Variants in FBXW5 observed in about 807,000 individuals in gnomAD.
FBXW5 encodes the protein F-box/WD repeat-containing protein 5.
A neutral mutation model predicts 50.9 loss-of-function variants in FBXW5; 74 were observed. The observed-to-expected ratio is 1.45, with a 90% CI of 1.20 to 1.76. The LOEUF (loss-of-function observed/expected upper bound fraction) is 1.76, where lower values mean the gene tolerates loss of function less well. FBXW5 is among the 40% of genes most tolerant of loss of function. The pLI, the probability that FBXW5 is intolerant of heterozygous loss-of-function variation, is 0.00. For missense variants in FBXW5, 1,073 were observed against 818.8 expected (o/e 1.31, Z -3.79); for synonymous variants, 523 against 362.2 (o/e 1.44, Z -5.04).
chr9:136,944,018 G>C lies in FBXW5; in HGVS notation c.66C>G (p.Gly22=), dbSNP rs1162225364. The part of the protein sequence containing the change: ...SLVYQIFLSL[G]PADVLAAGLV... Reference sequence around the variant, plus strand: ...GCCCGGCGGCCAGCACGTCGGCCGGGCCCAGGCTCAGGAAGATCTGGTAGA... The same window carrying C: ...GCCCGGCGGCCAGCACGTCGGCCGGCCCCAGGCTCAGGAAGATCTGGTAGA... The change falls in exon 2 of 9, where the codon GGC becomes GGG. Residue 22 remains glycine, a synonymous_variant. Coordinates refer to ENST00000325285, the MANE Select transcript of FBXW5 (RefSeq NM_018998.4). The C allele has an allele frequency of 6.2e-7, 1 of 1,601,420 alleles. No individual in the cohort carries two copies.
rs563358740 is a variant in FBXW5, at chr9:136,944,065, G to C, written c.19C>G (p.Pro7Ala). ...TAGACCAGGCTGTCGGGGAGCAGGG[G>C]CGTGCCGCCCTCGTCCATCGTGACA... MDEGGT[P>A]LLPDSLVYQI... Residue 7 changes from proline to alanine, a missense_variant, in exon 2 of 9, where the codon CCC becomes GCC. Coordinates refer to ENST00000325285, the MANE Select transcript of FBXW5 (RefSeq NM_018998.4). The C allele has an allele frequency of 6.3e-7, 1 of 1,599,974 alleles. No individual in the cohort carries two copies. Among genetic ancestry groups the C allele is most frequent in the Non-Finnish European group, 8.5e-7 (1 of 1,174,044 alleles).
In FBXW5 at chr9:136,943,649, T is replaced by G. The variant is rs1050934216; in HGVS notation, c.194-143A>C. The G allele has an allele frequency of 2.0e-5, 24 of 1,230,232 alleles. No individual in the cohort carries two copies. In the African/African-American group the frequency reaches 3.0e-4, roughly 16 times the overall value. 76.2% of individuals were successfully genotyped at this position (1,230,232 alleles called of 1,614,324 possible). On this transcript the variant is annotated intron_variant, in intron 2 of 8. Coordinates refer to ENST00000325285, the MANE Select transcript of FBXW5 (RefSeq NM_018998.4). The stretch of plus-strand genomic sequence containing the variant: ...ATGGCATAGGCCTCGGCTGGGGGAT[T>G]CAACCCTGTAGCTCACAGAGACCCC...
chr9:136,944,226 G>C (rs1850941529), intron 1 of FBXW5, 120 bp from the exon 2 acceptor site: 1 of 1,150,592 alleles, frequency 8.7e-7, no homozygotes, highest in Non-Finnish European at 1.2e-6. Context: ...GTGTCTGCAG[G>C]GGACGCCCGG....
chr9:136,942,482 C>CGTGCCAGGTGGGCGCCGG lies in FBXW5; in HGVS notation c.676-34_676-17dup. 6 of 1,596,182 alleles carry CGTGCCAGGTGGGCGCCGG rather than the reference C, an allele frequency of 3.8e-6. No individual in the cohort carries two copies. In the South Asian group the frequency reaches 4.4e-5, roughly 12 times the overall value. On this transcript the variant is annotated splice_polypyrimidine_tract_variant and intron_variant, in intron 5 of 8. Transcript: ENST00000325285. ...ACTCCACATCCTGGGGGCGGGGGCA[C>CGTGCCAGGTGGGCGCCGG]GTGCCAGGTGGGCGCCGGGCGCCAG...
rs1263368179 is a variant in FBXW5 at position 136,940,868 on chromosome 9, G to C, written c.*60C>G. The C allele has an allele frequency of 1.3e-6, 2 of 1,532,368 alleles. No individual in the cohort carries two copies. Among genetic ancestry groups the C allele is most frequent in the Non-Finnish European group, 1.8e-6 (2 of 1,140,814 alleles). 94.9% of individuals were successfully genotyped at this position (1,532,368 alleles called of 1,614,324 possible). A position where few individuals can be genotyped will look rare whatever the true frequency, so the allele number is the denominator to read the frequency against. On this transcript the variant is annotated 3_prime_UTR_variant, in exon 9 of 9. Transcript: ENST00000325285. ...CTCCACCTCTCCCGCTCGGGAAAAA[G>C]CCACAGAGCCTGGCGATGTCCTCAA...
Position 136,941,050 on chromosome 9 carries a change from G to A in FBXW5, c.1579C>T (p.Leu527Phe). Residue 527 changes from leucine to phenylalanine, a missense_variant, in exon 9 of 9, where the codon CTC (leucine) becomes TTC (phenylalanine). Transcript: ENST00000325285. ...VFSPQEQELL[L>F]TASDDATIKA... is the part of the protein sequence containing the mutation. ...ATGGTGGCGTCGTCGCTGGCCGTGA[G>A]CAGCAGCTCCTGCTCCTGGGGACTG... 6.4e-7 allele frequency: 1 copy of A among 1,556,172 alleles called. No homozygotes were observed.
At position 136,941,478 on chromosome 9, in the gene FBXW5, CTG is replaced by C. The variant is rs775730930; in HGVS notation, c.1245-17_1245-16del. 58 of 1,606,328 alleles carry C rather than the reference CTG, an allele frequency of 3.6e-5. No individual in the cohort carries two copies. Among genetic ancestry groups the C allele is most frequent in the Non-Finnish European group, 4.9e-5 (58 of 1,179,652 alleles). On this transcript the variant is annotated splice_polypyrimidine_tract_variant and intron_variant, in intron 7 of 8. Coordinates refer to ENST00000325285, the MANE Select transcript of FBXW5 (RefSeq NM_018998.4). ...CGTACAGGTACCTGGGCGAGGGGCA[CTG>C]TGCTAGGTGTGGGCCGCCTGCGGGC...
At chr9:136,942,742 C>A in intron 4 of FBXW5, 27 bp downstream of exon 4, 1 of 1,611,832 alleles carries the variant, frequency 6.2e-7, no homozygotes, top group Non-Finnish European at 8.5e-7. Context: ...GGGGCGGGGG[C>A]AGGGTCAACC....
At chr9:136,943,065 C>A in intron 3 of FBXW5, 122 bp from the exon 4 acceptor site, 2 of 1,452,940 alleles carry the variant, frequency 1.4e-6, no homozygotes, top group Non-Finnish European at 1.9e-6. Context: ...GGAGCAGGGA[C>A]CCCTTCCAGC....
chr9:136,944,492 GAC>G, intron 1 of FBXW5, 100 bp downstream of exon 1: 1 of 984,388 alleles, frequency 1.0e-6, no homozygotes, highest in Non-Finnish European at 1.2e-6. Flanking sequence ...GCTCGGGGCG[GAC>G]GGCGGGGACG....
rs1300446808 is a variant in FBXW5, at chr9:136,941,134, G to C, written c.1495C>G (p.His499Asp). 1.9e-6 allele frequency: 3 copies of C among 1,596,900 alleles called. No homozygotes were observed. The highest frequency in any genetic ancestry group is 1.3e-5 in the African/African-American group (1 of 74,798). ...EDRHGYIWDR[H>D]YNICLARLRH... ...AGCCTGGCCAGACAGATGTTGTAGT[G>C]GCGGTCCCAGATGTAGCCGTGCCGG... Residue 499 changes from histidine to aspartate, a missense_variant, in exon 9 of 9, where the codon CAC becomes GAC. His to Asp is a moderately conservative substitution (Grantham distance 81, BLOSUM62 -1). Transcript: ENST00000325285.
At position 136,941,048 on chromosome 9, in the gene FBXW5, G is replaced by C. The variant is rs1039303387; in HGVS notation, c.1581C>G (p.Leu527=). The part of the protein sequence containing the change: ...VFSPQEQELL[L]TASDDATIKA... ...TGATGGTGGCGTCGTCGCTGGCCGT[G>C]AGCAGCAGCTCCTGCTCCTGGGGAC... Residue 527 remains leucine (L), a synonymous_variant, in exon 9 of 9, where the codon CTC becomes CTG. Transcript: ENST00000325285. 5.8e-6 allele frequency: 9 copies of C among 1,555,782 alleles called. No homozygotes were observed. In the African/African-American group the frequency reaches 1.2e-4, roughly 21 times the overall value.
chr9:136,941,882 A>C, intron 6 of FBXW5, 164 bp downstream of exon 6: 1 of 1,435,118 alleles, frequency 7.0e-7, no homozygotes, highest in African/African-American at 1.4e-5. Flanking sequence ...GTTTGTTTTC[A>C]CTGCTCATCC....
chr9:136,940,661 A>T lies in FBXW5; in HGVS notation c.*267T>A. 1 of 511,244 alleles carries T rather than the reference A, an allele frequency of 2.0e-6. No homozygotes were observed. The highest frequency in any genetic ancestry group is 3.5e-6 in the Non-Finnish European group (1 of 285,294). 31.7% of individuals were successfully genotyped at this position (511,244 alleles called of 1,614,324 possible). ...CAGGTGTACCCCTAGCCTGGGGTTG[A>T]GTGAGGAGCGGCACCCCCAGTATCC... On this transcript the variant is annotated 3_prime_UTR_variant, in exon 9 of 9. Transcript: ENST00000325285.
At position 136,943,258 on chromosome 9, in the gene FBXW5, C is replaced by T. The variant is rs926124403; in HGVS notation, c.351+91G>A. 25 of 1,303,432 alleles carry T rather than the reference C, an allele frequency of 1.9e-5. No homozygotes were observed. The Admixed American group carries it at 4.3e-4, about 23-fold the overall frequency. The allele number at this position is 1,303,432 out of a possible 1,614,324, so 80.7% of individuals were successfully genotyped here. On this transcript the variant is annotated intron_variant, in intron 3 of 8. Coordinates refer to ENST00000325285, the MANE Select transcript of FBXW5 (RefSeq NM_018998.4). The stretch of plus-strand genomic sequence containing the variant: ...CCTCTGGCCTGACCCACCCCCCCCC[C>T]CACCACCACCTGGTTGGAACGCCTG...
chr9:136,944,202 T>G, intron 1 of FBXW5, 96 bp from the exon 2 acceptor site: 1 of 1,322,160 alleles, frequency 7.6e-7, no homozygotes, highest in Non-Finnish European at 1.0e-6. Context: ...CCGCCGGGAG[T>G]TCCACGGGGC....
chr9:136,944,123 G>T lies in FBXW5; in HGVS notation c.-23-17C>A. The T allele has an allele frequency of 6.5e-7, 1 of 1,536,598 alleles. No homozygotes were observed. The highest frequency in any genetic ancestry group is 8.8e-7 in the Non-Finnish European group (1 of 1,139,612). ...CAGGCGGCCCTGAAACCCACCAACG[G>T]CTGCCCTCAGCCCAGGCCCGGGAAG... On this transcript the variant is annotated splice_polypyrimidine_tract_variant and intron_variant, in intron 1 of 8. Coordinates refer to ENST00000325285, the MANE Select transcript of FBXW5 (RefSeq NM_018998.4).
rs1277231379 is a variant in FBXW5, at chr9:136,942,771, A to G, written c.524T>C (p.Leu175Pro). The change falls in exon 4 of 9, where the codon CTA becomes CCA. Residue 175 changes from leucine to proline, a missense_variant and splice_region_variant. Physicochemically the swap from Leu to Pro is moderately conservative, Grantham distance 98. Transcript: ENST00000325285. ...GTCAACCCGCCGCCCGTGCTCACCT[A>G]GGCTGATGACAGCAATCTCGCCGGA... ...SSSGEIAVIS[L>P]DSFALLSRVR... 1.2e-6 allele frequency: 2 copies of G among 1,612,338 alleles called. No individual in the cohort carries two copies. The highest frequency in any genetic ancestry group is 1.7e-6 in the Non-Finnish European group (2 of 1,179,816).
At chr9:136,943,207 C>T (rs906253276) in intron 3 of FBXW5, 142 bp downstream of exon 3, 39 of 1,200,690 alleles carry the variant, frequency 3.2e-5, no homozygotes, top group East Asian at 5.0e-5. Flanking sequence ...GTGGTCCCTC[C>T]GCTGGATGCA....
Sources: gnomAD v4.1 joint callset for allele counts on GRCh38, gnomAD v4.1.1 for gene constraint, MANE v1.5 for transcripts, NCBI Gene and HGNC (gene_info 2026-07-23, HGNC 2026-07-21) for gene names.